AP1AR: variants seen among roughly 807,000 people sequenced by gnomAD.
AP1AR encodes the protein AP-1 complex-associated regulatory protein.
AP1AR carries 29 observed loss-of-function variants against 46.3 expected under a neutral mutation model. The ratio of observed to expected loss-of-function variants is 0.63; its 90% CI spans 0.47 to 0.85. AP1AR has a LOEUF of 0.85. Ranked by LOEUF, AP1AR falls within the 40% of genes least tolerant of loss-of-function variation. The pLI is 0.00. For synonymous variants in AP1AR, 122 were observed against 122.9 expected (o/e 0.99, Z 0.05); for missense variants, 357 against 356.3 (o/e 1.00, Z -0.02).
At chr4:112,249,720 G>T (rs1287155032) in intron 1 of AP1AR, among the ~76,000 whole-genome samples, 1 of 152,036 alleles carries the variant, frequency 6.6e-6, no homozygotes, top group East Asian at 1.9e-4. Context: ...TTTCTTACCT[G>T]TATATATTGC....
intron 5 of AP1AR, among the ~76,000 whole-genome samples, chr4:112,261,845 C>T (rs571012912): frequency 6.6e-6 from 1 of 151,712 alleles, no homozygotes; most frequent in African/African-American, 2.4e-5. Context: ...TAGCATGCAC[C>T]TATAGTCCCA....
Position 112,268,381 on chromosome 4 carries a change from A to T in AP1AR, c.881A>T (p.His294Leu), listed in dbSNP as rs764503321. ...GAACTGTCTGATTCTGGCATAAGGC[A>T]TTCTGACACAGATCAACAGACTCGA... Reference protein sequence around the residue: ...VLELSDSGIRHSDTDQQTR With the variant: ...VLELSDSGIRLSDTDQQTR The change falls in exon 10 of 10, where the codon CAT becomes CTT. Residue 294 changes from histidine to leucine, a missense_variant. Transcript: ENST00000274000. 16 of 1,606,590 alleles carry T rather than the reference A, an allele frequency of 1.0e-5. No individual in the cohort carries two copies. The highest frequency in any genetic ancestry group is 1.4e-5 in the Non-Finnish European group (16 of 1,175,928).
chr4:112,235,389 A>G (rs1161047071), intron 1 of AP1AR, among the ~76,000 whole-genome samples: 1 of 152,194 alleles, frequency 6.6e-6, no homozygotes, highest in Non-Finnish European at 1.5e-5. Context: ...AAGGTAAACC[A>G]TATTTTGTAT....
intron 3 of AP1AR, among the ~76,000 whole-genome samples, chr4:112,256,818 G>A (rs777314851): frequency 3.3e-5 from 5 of 152,162 alleles, no homozygotes; most frequent in African/African-American, 4.8e-5. Flanking sequence ...TCTCATTATT[G>A]TATTTAAGTT....
chr4:112,244,144 C>T (rs1309402631), intron 1 of AP1AR, among the ~76,000 whole-genome samples: 1 of 152,098 alleles, frequency 6.6e-6, no homozygotes, highest in Non-Finnish European at 1.5e-5. Context: ...TTTAAAGATG[C>T]CATCTAAATA....
At chr4:112,265,287 C>T (rs1726652306) in intron 7 of AP1AR, 4 of 434,758 alleles carry the variant, frequency 9.2e-6, no homozygotes, top group Non-Finnish European at 1.6e-5. Context: ...TAAGAGTGGT[C>T]TCATTTCCCA....
chr4:112,268,441 T>C lies in AP1AR; in HGVS notation c.*32T>C, dbSNP rs749081245. ...ATTGTGTGACCTTGTTTATCAGTTA[T>C]GACCAAATGTTAAAAACCAACTAGA... On this transcript the variant is annotated 3_prime_UTR_variant, in exon 10 of 10. Coordinates refer to ENST00000274000, the MANE Select transcript of AP1AR (RefSeq NM_018569.6). 3 of 1,532,784 alleles carry C rather than the reference T, an allele frequency of 2.0e-6. No homozygotes were observed. Among genetic ancestry groups the C allele is most frequent in the Non-Finnish European group, 2.6e-6 (3 of 1,140,722 alleles). 94.9% of individuals were successfully genotyped at this position (1,532,784 alleles called of 1,614,324 possible).
In AP1AR at chr4:112,269,091, A is replaced by AATATATAT. The variant is rs1553926294; in HGVS notation, c.*683_*684insTATATATA. 9.5e-6 allele frequency: 1 copy of AATATATAT among 105,562 alleles called. No individual in the cohort carries two copies. The highest frequency in any genetic ancestry group is 1.9e-5 in the Non-Finnish European group (1 of 53,710). The allele number at this position is 105,562 out of a possible 1,614,324, so 6.5% of individuals were successfully genotyped here. A position where few individuals can be genotyped will look rare whatever the true frequency, so the allele number is the denominator to read the frequency against. Reference sequence around the variant, plus strand: ...GTAATAATAAAAAATAATATTTAAGAAGATATATATATATATATATTTAGT... The same window carrying AATATATAT: ...GTAATAATAAAAAATAATATTTAAGAATATATATAGATATATATATATATATATTTAGT... On this transcript the variant is annotated 3_prime_UTR_variant, in exon 10 of 10. Transcript: ENST00000274000.
At chr4:112,249,711 T>G (rs1279005496) in intron 1 of AP1AR, among the ~76,000 whole-genome samples, 1 of 152,034 alleles carries the variant, frequency 6.6e-6, no homozygotes, top group African/African-American at 2.4e-5. Context: ...AGCTGCAGAT[T>G]TCTTACCTGT....
Position 112,249,572 on chromosome 4 carries a change from G to A in AP1AR, c.84-3636G>A, listed in dbSNP as rs1427545687. On this transcript the variant is annotated intron_variant, in intron 1 of 9. Coordinates refer to ENST00000274000, the MANE Select transcript of AP1AR (RefSeq NM_018569.6). ...CTTGGGAGGCTGAGGCAGGAGAATC[G>A]CTTGAACCTGGGAGGTGGAGGTTGC... is the stretch of plus-strand genomic sequence containing the variant. Among the ~76,000 whole-genome samples the A allele has an allele frequency of 5.3e-5, 8 of 151,680 alleles. No individual in the cohort carries two copies. The South Asian group carries it at 6.2e-4, about 12-fold the overall frequency.
intron 9 of AP1AR, 33 bp downstream of exon 9, chr4:112,266,749 T>A: frequency 6.3e-7 from 1 of 1,575,316 alleles, no homozygotes; most frequent in Non-Finnish European, 8.6e-7. Flanking sequence ...ACCTGAAAAA[T>A]TTAACGTAAT....
At chr4:112,265,618 C>T (rs1193129822) in intron 7 of AP1AR, 116 bp from the exon 8 acceptor site, 2 of 659,530 alleles carry the variant, frequency 3.0e-6, no homozygotes, top group Non-Finnish European at 5.2e-6. Flanking sequence ...AATTGTACAG[C>T]AGTTATGAAT....
chr4:112,251,643 G>T (rs947769182), intron 1 of AP1AR, among the ~76,000 whole-genome samples: 11 of 152,196 alleles, frequency 7.2e-5, no homozygotes, highest in Non-Finnish European at 1.5e-4. Context: ...ATATAGCACT[G>T]TAAGCAGGAA....
At chr4:112,254,804 T>G in intron 3 of AP1AR, 31 bp downstream of exon 3, 1 of 1,254,778 alleles carries the variant, frequency 8.0e-7, no homozygotes, top group Non-Finnish European at 1.1e-6. Context: ...ACAAAACTTG[T>G]ATTTGTTTTT....
intron 2 of AP1AR, among the ~76,000 whole-genome samples, chr4:112,253,573 G>T (rs998093030): frequency 6.6e-6 from 1 of 152,162 alleles, no homozygotes; most frequent in African/African-American, 2.4e-5. Flanking sequence ...CCCAGCAGGG[G>T]GGAGTCCAGA....
At chr4:112,250,606 G>A (rs1335039105) in intron 1 of AP1AR, among the ~76,000 whole-genome samples, 1 of 152,150 alleles carries the variant, frequency 6.6e-6, no homozygotes, top group Non-Finnish European at 1.5e-5. Flanking sequence ...ATATATACAT[G>A]TTATGTTTCT....
At position 112,271,801 on chromosome 4, in the gene AP1AR, A is replaced by G. The variant is rs1441860982; in HGVS notation, c.*3392A>G. Among the ~76,000 whole-genome samples the G allele has an allele frequency of 6.6e-6, 1 of 152,212 alleles. No individual in the cohort carries two copies. Among genetic ancestry groups the G allele is most frequent in the Non-Finnish European group, 1.5e-5 (1 of 68,038 alleles). On this transcript the variant is annotated 3_prime_UTR_variant, in exon 10 of 10. Coordinates refer to ENST00000274000, the MANE Select transcript of AP1AR (RefSeq NM_018569.6). Reference sequence around the variant, plus strand: ...TGTCTGCAGCCCAAGAAAGAGGTCTAGGTTCAAGTTTGGGAGTCATTAGTA... The same window carrying G: ...TGTCTGCAGCCCAAGAAAGAGGTCTGGGTTCAAGTTTGGGAGTCATTAGTA...
chr4:112,248,381 TAAAG>T (rs1725809858), intron 1 of AP1AR, among the ~76,000 whole-genome samples: 1 of 152,086 alleles, frequency 6.6e-6, no homozygotes. Flanking sequence ...TAGATAATAT[TAAAG>T]AAATTATTTT....
intron 2 of AP1AR, 61 bp downstream of exon 2, chr4:112,253,317 T>G: frequency 7.7e-7 from 1 of 1,300,186 alleles, no homozygotes; most frequent in Non-Finnish European, 1.1e-6. Context: ...AGGGGCTTTT[T>G]GTTGTAAAGA....
Sources: gnomAD v4.1 joint callset for allele counts (sites outside exome capture counted in the v4.1 genomes callset) on GRCh38, gnomAD v4.1.1 for gene constraint, MANE v1.5 for transcripts, NCBI Gene and HGNC (gene_info 2026-07-23, HGNC 2026-07-21) for gene names.